NLK: variants seen among roughly 807,000 people sequenced by gnomAD.
NLK encodes the protein serine/threonine-protein kinase NLK.
In NLK, 11 loss-of-function variants were observed where a neutral mutation model predicts 59.0. That is an observed-to-expected ratio of 0.19 (90% confidence interval 0.12 to 0.31). The LOEUF (loss-of-function observed/expected upper bound fraction) is 0.31, where lower values mean the gene tolerates loss of function less well. Ranked by LOEUF, NLK falls within the 10% of genes least tolerant of loss-of-function variation. The pLI, the probability that NLK is intolerant of heterozygous loss-of-function variation, is 1.00. For missense variants in NLK, 410 were observed against 661.1 expected (o/e 0.62, Z 4.16); for synonymous variants, 235 against 235.9 (o/e 1.00, Z 0.03).
intron 6 of NLK, 76 bp from the exon 7 acceptor site, chr17:28,172,441 C>G (rs1963069932): frequency 2.0e-6 from 2 of 1,001,048 alleles, no homozygotes; most frequent in Non-Finnish European, 2.8e-6. Context: ...GTCCACTTCT[C>G]TAAGGCTATG....
At chr17:28,166,591 TAATC>T (rs1280821558) in intron 5 of NLK, among the ~76,000 whole-genome samples, 2 of 152,264 alleles carry the variant, frequency 1.3e-5, no homozygotes, top group African/African-American at 2.4e-5. Context: ...CTTGTAAAGT[TAATC>T]AGTGAGAACA....
At chr17:28,136,914 G>A (rs1266185484) in intron 3 of NLK, among the ~76,000 whole-genome samples, 1 of 137,172 alleles carries the variant, frequency 7.3e-6, no homozygotes, top group Non-Finnish European at 1.5e-5. Context: ...CATGTGTCCT[G>A]TGTTTTTGAT....
Position 28,042,706 on chromosome 17 carries a change from G to T in NLK, c.-168G>T, listed in dbSNP as rs180921468. ...TGGCAACCCACACCCTTCCACACACGCTCACCCCAAAATTAAACACCAAGA... is the reference window on the plus strand; with the variant it reads ...TGGCAACCCACACCCTTCCACACACTCTCACCCCAAAATTAAACACCAAGA... On this transcript the variant is annotated 5_prime_UTR_variant, in exon 1 of 11. Transcript: ENST00000407008. 9.1e-6 allele frequency: 5 copies of T among 546,506 alleles called. No homozygotes were observed. The highest frequency in any genetic ancestry group is 1.2e-5 in the Non-Finnish European group (4 of 331,862). The allele number at this position is 546,506 out of a possible 1,614,324, so 33.9% of individuals were successfully genotyped here.
At chr17:28,190,946 T>C in intron 8 of NLK, 75 bp from the exon 9 acceptor site, 1 of 1,014,110 alleles carries the variant, frequency 9.9e-7, no homozygotes, top group South Asian at 1.6e-5. Flanking sequence ...GCAGTTAATG[T>C]GTCTTTTGAA....
the NLK span, among the ~76,000 whole-genome samples, chr17:28,202,564 CTT>C: frequency 2.6e-5 from 4 of 151,808 alleles, no homozygotes; most frequent in African/African-American, 9.7e-5. Context: ...CTTAAAATAC[CTT>C]TGTTTAGTTT....
downstream of NLK, among the ~76,000 whole-genome samples, chr17:28,200,329 G>A (rs995396226): frequency 2.6e-5 from 4 of 151,976 alleles, no homozygotes; most frequent in Non-Finnish European, 5.9e-5. Context: ...GCTAATTTTT[G>A]TATAAGTTGT....
chr17:28,110,004 G>A (rs1288769135), intron 1 of NLK, among the ~76,000 whole-genome samples: 1 of 152,152 alleles, frequency 6.6e-6, no homozygotes, highest in Non-Finnish European at 1.5e-5. Context: ...ACTAAGAGGA[G>A]AATTGTCATC....
chr17:28,080,350 C>G (rs1461364173), intron 1 of NLK, among the ~76,000 whole-genome samples: 1 of 151,996 alleles, frequency 6.6e-6, no homozygotes, highest in African/African-American at 2.4e-5. Flanking sequence ...GAGGTTGAAA[C>G]AGGAAGATTG....
At chr17:28,110,498 T>C (rs890153052) in intron 1 of NLK, among the ~76,000 whole-genome samples, 4 of 151,772 alleles carry the variant, frequency 2.6e-5, no homozygotes, top group Non-Finnish European at 5.9e-5. Flanking sequence ...GTTTTTTTTT[T>C]TTACAACTTT....
chr17:28,191,755 C>CAT (rs759308221), intron 9 of NLK, among the ~76,000 whole-genome samples: 49 of 152,188 alleles, frequency 3.2e-4, no homozygotes, highest in Non-Finnish European at 5.1e-4. Flanking sequence ...TGAAACTATA[C>CAT]ACCTAGATAC....
chr17:28,119,460 T>C (rs1905924567), intron 1 of NLK, among the ~76,000 whole-genome samples: 1 of 152,208 alleles, frequency 6.6e-6, no homozygotes, highest in Non-Finnish European at 1.5e-5. Context: ...TGGTGGCTTT[T>C]CTCACCATAA....
At chr17:28,115,533 G>A (rs1905728039) in intron 1 of NLK, among the ~76,000 whole-genome samples, 1 of 152,162 alleles carries the variant, frequency 6.6e-6, no homozygotes, top group Non-Finnish European at 1.5e-5. Flanking sequence ...ATTACACTAT[G>A]TAAATTACTG....
intron 1 of NLK, among the ~76,000 whole-genome samples, chr17:28,121,460 A>G (rs1283121850): frequency 2.9e-5 from 4 of 139,152 alleles, no homozygotes; most frequent in African/African-American, 8.1e-5. Context: ...GGCCGTGTAT[A>G]CTCAATTTAT....
At chr17:28,191,297 T>C in intron 9 of NLK, 78 bp downstream of exon 9, 3 of 1,106,258 alleles carry the variant, frequency 2.7e-6, no homozygotes, top group Non-Finnish European at 3.8e-6. Context: ...AGAGCTGAGA[T>C]CTGGATGGTA....
At chr17:28,101,207 G>T (rs1183650599) in intron 1 of NLK, among the ~76,000 whole-genome samples, 3 of 152,140 alleles carry the variant, frequency 2.0e-5, no homozygotes, top group Non-Finnish European at 4.4e-5. Context: ...AAATCAAGTA[G>T]TATAAATCAT....
At position 28,158,979 on chromosome 17, in the gene NLK, C is replaced by T. The variant is rs184735588; in HGVS notation, c.645-2181C>T. 9.4e-4 allele frequency among the ~76,000 whole-genome samples: 143 copies of T among 152,262 alleles called. 1 individual carries two copies. Among genetic ancestry groups the T allele is most frequent in the African/African-American group, 3.2e-3 (132 of 41,544 alleles). On this transcript the variant is annotated intron_variant, in intron 3 of 10. Transcript: ENST00000407008. ...CTTTATACATGTGGTCCATCATCAA[C>T]GAAACATCATTATATAATGTCTGAC...
At chr17:28,156,664 T>C (rs1040623777) in intron 3 of NLK, among the ~76,000 whole-genome samples, 1 of 152,224 alleles carries the variant, frequency 6.6e-6, no homozygotes, top group African/African-American at 2.4e-5. Flanking sequence ...TCATAATGTC[T>C]TGTTTTTTAA....
chr17:28,062,043 A>G (rs2142747754), intron 1 of NLK: 1 of 151,192 alleles, frequency 6.6e-6, no homozygotes, highest in South Asian at 2.1e-4. Context: ...GGGGTTCCAG[A>G]CCTGGAGGTG....
chr17:28,067,828 CCTT>C (rs1909883304), intron 1 of NLK, among the ~76,000 whole-genome samples: 2 of 148,910 alleles, frequency 1.3e-5, no homozygotes, highest in East Asian at 1.9e-4. Flanking sequence ...TGTAGGTAGA[CCTT>C]CTTAAAATAT....
Sources: gnomAD v4.1 joint callset for allele counts (sites outside exome capture counted in the v4.1 genomes callset) on GRCh38, gnomAD v4.1.1 for gene constraint, MANE v1.5 for transcripts, NCBI Gene and HGNC (gene_info 2026-07-23, HGNC 2026-07-21) for gene names.